The following MTMR3 variants were observed in gnomAD, a reference collection of about 807,000 sequenced individuals.
MTMR3 encodes myotubularin related protein 3, also known as phosphatidylinositol-3,5-bisphosphate 3-phosphatase MTMR3.
Under a neutral mutation model 132.4 loss-of-function variants are expected in MTMR3, and 32 were observed. That is an observed-to-expected ratio of 0.24 (90% CI 0.18 to 0.32). MTMR3 has a LOEUF of 0.32. Among genes scored for constraint, MTMR3 ranks in the 10% least tolerant of loss-of-function variants. The probability of loss-of-function intolerance (pLI) is 1.00; values close to 1 mark genes in which losing one functional copy is unlikely to be tolerated. For synonymous variants in MTMR3, 556 were observed against 550.3 expected, an observed-to-expected ratio of 1.01 and a Z score of -0.14; for missense variants, 1,216 against 1,489.6, an observed-to-expected ratio of 0.82 and a Z score of 3.02.
chr22:29,962,915 T>A (rs968846648), intron 2 of MTMR3, among the ~76,000 whole-genome samples: 4 of 149,702 alleles, frequency 2.7e-5, no homozygotes, highest in African/African-American at 9.9e-5. Flanking sequence ...TTTTTCTTTT[T>A]TTTTTTTTTT....
chr22:29,890,532 AG>A (rs2064776685), intron 1 of MTMR3, among the ~76,000 whole-genome samples: 1 of 151,940 alleles, frequency 6.6e-6, no homozygotes, highest in African/African-American at 2.4e-5. Context: ...GAAAAAAAAA[AG>A]TGGGATTATT....
At chr22:29,947,857 T>A (rs737903) in intron 1 of MTMR3, among the ~76,000 whole-genome samples, 8,098 of 152,226 alleles carry the variant, frequency 0.053, 310 homozygotes, top group Non-Finnish European at 0.079. Context: ...TCTGGGGGTA[T>A]GTTGAATTGA....
At chr22:30,025,364 T>G in intron 19 of MTMR3, 1 of 496,174 alleles carries the variant, frequency 2.0e-6, no homozygotes, top group East Asian at 3.8e-5. Flanking sequence ...GCAGCATTCT[T>G]TTGTATACCT....
chr22:30,016,365 G>A (rs2067591848), intron 14 of MTMR3, 163 bp from the exon 15 acceptor site: 4 of 668,346 alleles, frequency 6.0e-6, no homozygotes, highest in Admixed American at 3.3e-5. Context: ...GGAATTGGTG[G>A]TGTGAGGAGG....
chr22:29,933,733 GTT>G (rs758195736), intron 1 of MTMR3, among the ~76,000 whole-genome samples: 21 of 124,066 alleles, frequency 1.7e-4, no homozygotes, highest in South Asian at 5.3e-4. Context: ...GCAGTTCTGT[GTT>G]TTTTTTTTTT....
intron 10 of MTMR3, 36 bp from the exon 11 acceptor site, chr22:30,007,865 G>C (rs1354279251): frequency 6.2e-7 from 1 of 1,610,482 alleles, no homozygotes; most frequent in Non-Finnish European, 8.5e-7. Context: ...GGAGAGACAG[G>C]CTCATTTAGT....
Position 29,953,438 on chromosome 22 carries a change from C to G in MTMR3, c.-137-3598C>G, listed in dbSNP as rs2066122813. Among the ~76,000 whole-genome samples, 3 of 152,160 alleles carry G rather than the reference C, an allele frequency of 2.0e-5. No homozygotes were observed. In the South Asian group the frequency reaches 6.2e-4, roughly 32 times the overall value. ...GGTGGCACATCGATGATCACATAAA[C>G]AGTTCTGTGTAGGTGCTAAATATGT... On this transcript the variant is annotated intron_variant, in intron 1 of 19. Transcript: ENST00000401950.
At position 29,909,271 on chromosome 22, in the gene MTMR3, C is replaced by T. The variant is rs2065161928; in HGVS notation, c.-138+25912C>T. ...AATTTGAGAACACAGATTATTTGCC[C>T]TACTCCCCCAACCCCCAGTGATACA... On this transcript the variant is annotated intron_variant, in intron 1 of 19. Transcript: ENST00000401950. 1.3e-5 allele frequency among the ~76,000 whole-genome samples: 2 copies of T among 152,152 alleles called. 1 individual carries two copies. The highest frequency in any genetic ancestry group is 4.1e-4 in the South Asian group (2 of 4,832).
chr22:29,910,120 T>G (rs997421979), intron 1 of MTMR3, among the ~76,000 whole-genome samples: 3 of 150,984 alleles, frequency 2.0e-5, no homozygotes, highest in African/African-American at 7.3e-5. Context: ...GCCGAGATTG[T>G]GCCACTGCAC....
intron 1 of MTMR3, among the ~76,000 whole-genome samples, chr22:29,939,951 G>A (rs1049669291): frequency 3.3e-5 from 5 of 152,082 alleles, no homozygotes; most frequent in Non-Finnish European, 5.9e-5. Context: ...CACCCTCCCC[G>A]CCCTTGCGAT....
intron 1 of MTMR3, among the ~76,000 whole-genome samples, chr22:29,928,964 C>T (rs959863858): frequency 6.6e-6 from 1 of 152,092 alleles, no homozygotes; most frequent in Admixed American, 6.5e-5. Context: ...AGCAGTTTTA[C>T]CATTATCAAA....
chr22:29,976,027 A>G (rs1300509934), intron 3 of MTMR3, among the ~76,000 whole-genome samples: 2 of 152,050 alleles, frequency 1.3e-5, no homozygotes, highest in Non-Finnish European at 2.9e-5. Context: ...TTTTATCCAC[A>G]TATGATTTTG....
intron 2 of MTMR3, 31 bp from the exon 3 acceptor site, chr22:29,970,945 T>TTTTTCTTTTCC: frequency 1.3e-6 from 1 of 756,724 alleles, no homozygotes; most frequent in Non-Finnish European, 2.0e-6. Context: ...CTTTTTTTTT[T>TTTTTCTTTTCC]CTTCTTCCCC....
intron 1 of MTMR3, among the ~76,000 whole-genome samples, chr22:29,928,175 T>TC (rs1010182193): frequency 1.4e-5 from 2 of 145,914 alleles, no homozygotes; most frequent in African/African-American, 5.2e-5. Flanking sequence ...TTTTTTCTTT[T>TC]TTTTTTTTTT....
chr22:29,905,992 A>G (rs1390083001), intron 1 of MTMR3, among the ~76,000 whole-genome samples: 1 of 152,112 alleles, frequency 6.6e-6, no homozygotes, highest in Non-Finnish European at 1.5e-5. Context: ...GAAAGTCTAG[A>G]TTCATCCAGA....
At chr22:29,921,736 ATT>A (rs1290687819) in intron 1 of MTMR3, among the ~76,000 whole-genome samples, 3 of 151,972 alleles carry the variant, frequency 2.0e-5, no homozygotes, top group Non-Finnish European at 2.9e-5. Flanking sequence ...ATCTTTGTGA[ATT>A]TAACTACCGT....
chr22:29,884,551 CTTTTTTTTTTTTT>C (rs35960936), intron 1 of MTMR3, among the ~76,000 whole-genome samples: 31 of 62,684 alleles, frequency 4.9e-4, no homozygotes, highest in South Asian at 1.6e-3. Context: ...CAGAATGACA[CTTTTTTTTTTTTT>C]TTTTTTTTTT....
At chr22:29,994,529 T>C (rs1216844184) in intron 7 of MTMR3, 2 of 152,144 alleles carry the variant, frequency 1.3e-5, no homozygotes, top group South Asian at 2.1e-4. Context: ...CACATACTTA[T>C]AAGTCATCTT....
At chr22:29,927,939 G>GTTTTTT (rs764629136) in intron 1 of MTMR3, among the ~76,000 whole-genome samples, 1,292 of 107,282 alleles carry the variant, frequency 0.012, 34 homozygotes, top group East Asian at 0.036. Flanking sequence ...TCTAGCCTTT[G>GTTTTTT]TTTTTTTTTT....
Sources: gnomAD v4.1 joint callset for allele counts (sites outside exome capture counted in the v4.1 genomes callset) on GRCh38, gnomAD v4.1.1 for gene constraint, MANE v1.5 for transcripts, NCBI Gene and HGNC (gene_info 2026-07-23, HGNC 2026-07-21) for gene names.